IGFL2: variants seen among roughly 807,000 people sequenced by gnomAD.
IGFL2 encodes the protein insulin growth factor-like family member 2.
A neutral mutation model predicts 13.9 loss-of-function variants in IGFL2; 7 were observed. The ratio of observed to expected loss-of-function variants is 0.51; its 90% CI spans 0.29 to 0.95. IGFL2 has a LOEUF of 0.95. IGFL2 is among the 40% of genes least tolerant of loss of function. The pLI is 0.08. For synonymous variants in IGFL2, 55 were observed against 55.8 expected, an observed-to-expected ratio of 0.99 and a Z score of 0.07; for missense variants, 138 against 147.8, an observed-to-expected ratio of 0.93 and a Z score of 0.34.
upstream of IGFL2, among the ~76,000 whole-genome samples, chr19:46,147,241 A>C (rs1973184850): frequency 6.6e-6 from 1 of 152,282 alleles, no homozygotes; most frequent in Non-Finnish European, 1.5e-5. Flanking sequence ...GCTGTCTACA[A>C]TTATAATAAT....
At chr19:46,145,224 A>G (rs1266743289), upstream of IGFL2, among the ~76,000 whole-genome samples, 6 of 152,060 alleles carry the variant, frequency 3.9e-5, no homozygotes, top group Admixed American at 3.3e-4. Context: ...TATATATACC[A>G]TTTTCATTTC....
At chr19:46,165,108 C>T (rs1478983889), downstream of IGFL2, among the ~76,000 whole-genome samples, 1 of 152,178 alleles carries the variant, frequency 6.6e-6, no homozygotes, top group African/African-American at 2.4e-5. Context: ...GGGACTGGTC[C>T]ACAAAGGAGG....
chr19:46,137,733 A>T, the IGFL2 span, among the ~76,000 whole-genome samples: 2 of 152,190 alleles, frequency 1.3e-5, no homozygotes, highest in African/African-American at 4.8e-5. Flanking sequence ...ATGCTTTTTT[A>T]AATTTTTGTC....
At chr19:46,201,170 C>T in the IGFL2 span, among the ~76,000 whole-genome samples, 1 of 152,176 alleles carries the variant, frequency 6.6e-6, no homozygotes, top group Non-Finnish European at 1.5e-5. Flanking sequence ...CGTGATTGCA[C>T]CATTACCCAG....
chr19:46,192,410 C>T, the IGFL2 span, among the ~76,000 whole-genome samples: 1 of 151,652 alleles, frequency 6.6e-6, no homozygotes, highest in Non-Finnish European at 1.5e-5. Flanking sequence ...TACATAAATG[C>T]CTCATTCTTT....
At chr19:46,132,332 C>A in the IGFL2 span, among the ~76,000 whole-genome samples, 1 of 152,172 alleles carries the variant, frequency 6.6e-6, no homozygotes, top group Non-Finnish European at 1.5e-5. Context: ...AAAGTCTCTC[C>A]TTTTTACAAG....
the IGFL2 span, among the ~76,000 whole-genome samples, chr19:46,090,704 C>A: frequency 1.3e-5 from 2 of 152,200 alleles, no homozygotes; most frequent in African/African-American, 4.8e-5. Flanking sequence ...CTGCTGGTGC[C>A]TGCCTACTGC....
chr19:46,089,923 T>C, the IGFL2 span, among the ~76,000 whole-genome samples: 1 of 152,176 alleles, frequency 6.6e-6, no homozygotes, highest in African/African-American at 2.4e-5. Flanking sequence ...TTTCTGCTAT[T>C]ATTTGTTTAA....
At chr19:46,137,668 T>C in the IGFL2 span, 1 of 618,326 alleles carries the variant, frequency 1.6e-6, no homozygotes, top group Admixed American at 2.2e-5. Flanking sequence ...ATGCGGCCAG[T>C]GTGGCCCAGC....
the IGFL2 span, among the ~76,000 whole-genome samples, chr19:46,172,732 T>G: frequency 6.6e-6 from 1 of 152,200 alleles, no homozygotes. Flanking sequence ...TATATATTTT[T>G]TTTCAGACAA....
At chr19:46,200,819 C>G in the IGFL2 span, 1 of 152,192 alleles carries the variant, frequency 6.6e-6, no homozygotes, top group Non-Finnish European at 1.5e-5. Flanking sequence ...CCATACCTGA[C>G]CACTTCATTC....
chr19:46,142,744 C>G (rs957534494), upstream of IGFL2, among the ~76,000 whole-genome samples: 2 of 152,112 alleles, frequency 1.3e-5, no homozygotes, highest in Non-Finnish European at 2.9e-5. Context: ...TACAGACAAG[C>G]CCAGAGAGCT....
chr19:46,109,108 A>G, the IGFL2 span, among the ~76,000 whole-genome samples: 2 of 152,064 alleles, frequency 1.3e-5, no homozygotes, highest in Non-Finnish European at 2.9e-5. Context: ...GTATGAAGAG[A>G]CCACCAAACA....
At chr19:46,131,188 A>G in the IGFL2 span, among the ~76,000 whole-genome samples, 2 of 152,072 alleles carry the variant, frequency 1.3e-5, no homozygotes, top group African/African-American at 2.4e-5. Flanking sequence ...CTAATGTACA[A>G]TGTTACTTTT....
the IGFL2 span, chr19:46,124,560 GT>G: frequency 1.4e-6 from 2 of 1,430,460 alleles, no homozygotes; most frequent in Non-Finnish European, 2.0e-6. Flanking sequence ...AATAAATCGG[GT>G]TGAGGTTTGG....
At chr19:46,130,872 T>C in the IGFL2 span, among the ~76,000 whole-genome samples, 1 of 152,160 alleles carries the variant, frequency 6.6e-6, no homozygotes, top group Non-Finnish European at 1.5e-5. Flanking sequence ...TTCCTCGCCT[T>C]TGTGTTTGTT....
chr19:46,200,065 T>C, the IGFL2 span, among the ~76,000 whole-genome samples: 3 of 152,056 alleles, frequency 2.0e-5, no homozygotes, highest in Non-Finnish European at 4.4e-5. Flanking sequence ...TTAGTAGAGA[T>C]GGGGTTTCAC....
chr19:46,172,120 T>C, the IGFL2 span, among the ~76,000 whole-genome samples: 1 of 152,216 alleles, frequency 6.6e-6, no homozygotes, highest in East Asian at 1.9e-4. Flanking sequence ...GATACGGACT[T>C]TGGAAGTGGA....
At chr19:46,191,492 C>T in the IGFL2 span, among the ~76,000 whole-genome samples, 25 of 152,202 alleles carry the variant, frequency 1.6e-4, no homozygotes, top group African/African-American at 3.6e-4. Context: ...AACAAGTAAA[C>T]GTTGCCAGAG....
Sources: allele counts gnomAD v4.1 joint callset (sites outside exome capture counted in the v4.1 genomes callset), GRCh38; gene constraint gnomAD v4.1.1; transcripts MANE v1.5; gene names NCBI Gene and HGNC (gene_info 2026-07-23, HGNC 2026-07-21).